The following MCM3AP variants were observed in gnomAD, a reference collection of about 807,000 sequenced individuals.
MCM3AP encodes germinal-center associated nuclear protein.
MCM3AP carries 126 observed loss-of-function variants against 184.1 expected under a neutral mutation model. The ratio of observed to expected loss-of-function variants is 0.68; its 90% CI spans 0.59 to 0.79. MCM3AP has a LOEUF of 0.79. Ranked by LOEUF, MCM3AP falls within the 30% of genes least tolerant of loss-of-function variation. The probability of loss-of-function intolerance (pLI) is 0.00; values close to 1 mark genes in which losing one functional copy is unlikely to be tolerated. For synonymous variants in MCM3AP, 1,002 were observed against 979.3 expected (o/e 1.02, Z -0.43); for missense variants, 2,496 against 2,479.2 (o/e 1.01, Z -0.14).
At chr21:46,270,167 C>T in intron 9 of MCM3AP, 1 of 370,048 alleles carries the variant, frequency 2.7e-6, no homozygotes, top group Non-Finnish European at 4.8e-6. Context: ...AGAGATTTTT[C>T]TTATTTGAAC....
intron 26 of MCM3AP, among the ~76,000 whole-genome samples, chr21:46,239,038 G>A (rs1238209956): frequency 6.6e-6 from 1 of 152,234 alleles, no homozygotes; most frequent in African/African-American, 2.4e-5. Flanking sequence ...GTAGAGATCT[G>A]AAGTGAGTAC....
At chr21:46,279,093 C>G (rs1245887170) in intron 4 of MCM3AP, among the ~76,000 whole-genome samples, 1 of 151,672 alleles carries the variant, frequency 6.6e-6, no homozygotes, top group African/African-American at 2.4e-5. Context: ...CGAGACCAGC[C>G]TGGCCAACAT....
rs1160083139 is a variant in MCM3AP at position 46,237,660 on chromosome 21, G to T, written c.5634-681C>A. ...GATGTGCACACCTCAGCCTCCCAAA[G>T]TGCTGGGATTATAGGCATGAGTCAC... On this transcript the variant is annotated intron_variant, in intron 26 of 27. Transcript: ENST00000291688. Among the ~76,000 whole-genome samples the T allele has an allele frequency of 1.7e-5, 2 of 117,252 alleles. 1 individual carries two copies. The highest frequency in any genetic ancestry group is 3.6e-5 in the Non-Finnish European group (2 of 55,900). 76.9% of individuals were successfully genotyped at this position (117,252 alleles called of 152,430 possible). A position where few individuals can be genotyped will look rare whatever the true frequency, so the allele number is the denominator to read the frequency against.
At chr21:46,239,841 G>T (rs906522394) in intron 26 of MCM3AP, among the ~76,000 whole-genome samples, 1 of 152,100 alleles carries the variant, frequency 6.6e-6, no homozygotes, top group African/African-American at 2.4e-5. Context: ...CAGCAGGGCA[G>T]GAGGGGGACC....
In MCM3AP at chr21:46,259,052, A is replaced by G; in HGVS notation, c.3621T>C (p.Arg1207=). The G allele has an allele frequency of 6.2e-7, 1 of 1,614,044 alleles. No individual in the cohort carries two copies. The highest frequency in any genetic ancestry group is 8.5e-7 in the Non-Finnish European group (1 of 1,179,970). Residue 1207 remains arginine (R), a synonymous_variant, in exon 16 of 28, where the codon CGT becomes CGC. Transcript: ENST00000291688. ...VETDQRVRVA[R]CCEDVCAHLV... is the part of the protein sequence containing the mutation. ...AGTGGGCACAGACATCCTCACAGCA[A>G]CGGGCCACACGGACCCTCTGGTCTG...
At chr21:46,258,373 C>T (rs2080988499) in intron 16 of MCM3AP, among the ~76,000 whole-genome samples, 1 of 152,106 alleles carries the variant, frequency 6.6e-6, no homozygotes. Flanking sequence ...GCACTTACAC[C>T]CAGTTGAGAA....
At chr21:46,257,058 A>G in intron 16 of MCM3AP, 72 bp from the exon 17 acceptor site, 1 of 1,530,072 alleles carries the variant, frequency 6.5e-7, no homozygotes. Context: ...TTGCAGTCAG[A>G]ACTCAGGCAT....
chr21:46,257,812 C>G (rs1042674300), intron 16 of MCM3AP, among the ~76,000 whole-genome samples: 2 of 151,638 alleles, frequency 1.3e-5, no homozygotes, highest in Admixed American at 1.3e-4. Context: ...GTAGTCCCAG[C>G]TACTCAGGAG....
At chr21:46,248,682 A>G (rs959037660) in intron 20 of MCM3AP, among the ~76,000 whole-genome samples, 5 of 152,114 alleles carry the variant, frequency 3.3e-5, no homozygotes, top group African/African-American at 4.8e-5. Context: ...CAAAAACCCT[A>G]ATTTCCTTGG....
intron 3 of MCM3AP, 140 bp from the exon 4 acceptor site, chr21:46,280,277 G>A: frequency 9.7e-7 from 1 of 1,028,282 alleles, no homozygotes. Context: ...ATAACTGTGA[G>A]ATGCAAATCC....
At chr21:46,244,506 G>A in intron 23 of MCM3AP, 1 of 428,912 alleles carries the variant, frequency 2.3e-6, no homozygotes, top group South Asian at 3.4e-5. Flanking sequence ...GACAGGATCA[G>A]GGTTGGTGTT....
At chr21:46,246,223 G>A (rs1438611008) in intron 22 of MCM3AP, 84 bp downstream of exon 22, 8 of 823,028 alleles carry the variant, frequency 9.7e-6, no homozygotes, top group Non-Finnish European at 1.7e-5. Flanking sequence ...CAATGCAAAC[G>A]CTAATATACA....
intron 16 of MCM3AP, among the ~76,000 whole-genome samples, chr21:46,258,325 T>C (rs1030516587): frequency 2.6e-5 from 4 of 152,218 alleles, no homozygotes; most frequent in Non-Finnish European, 5.9e-5. Context: ...AACACATATA[T>C]GCCCAGTTAT....
At chr21:46,278,989 G>GAA (rs574954242) in intron 4 of MCM3AP, among the ~76,000 whole-genome samples, 13 of 122,770 alleles carry the variant, frequency 1.1e-4, no homozygotes, top group East Asian at 2.3e-4. Context: ...AGCTCTTCAG[G>GAA]AAAAAAAAAA....
At chr21:46,279,899 C>T in intron 4 of MCM3AP, 94 bp downstream of exon 4, 1 of 1,305,124 alleles carries the variant, frequency 7.7e-7, no homozygotes, top group Non-Finnish European at 1.0e-6. Flanking sequence ...CTCCTCACCA[C>T]TCCCCACAGT....
chr21:46,272,457 C>A, intron 8 of MCM3AP, 104 bp downstream of exon 8: 1 of 1,188,306 alleles, frequency 8.4e-7, no homozygotes. Context: ...TGCTACCAGA[C>A]AGAATGCTGC....
chr21:46,272,544 T>G lies in MCM3AP; in HGVS notation c.2465+17A>C, dbSNP rs774530458. On this transcript the variant is annotated intron_variant, in intron 8 of 27. Transcript: ENST00000291688. ...TTTTCAGCCACCTTAGGACAACTTT[T>G]GGATGTGAAAATTCACCTTAGGATG... is the stretch of plus-strand genomic sequence containing the variant. The G allele has an allele frequency of 3.0e-5, 49 of 1,609,022 alleles. No homozygotes were observed. The highest frequency in any genetic ancestry group is 3.8e-5 in the Non-Finnish European group (45 of 1,177,022).
In MCM3AP at chr21:46,267,515, C is replaced by T. The variant is rs2081128249; in HGVS notation, c.2629-373G>A. 1.6e-5 allele frequency: 3 copies of T among 182,878 alleles called. 1 individual carries two copies. In the South Asian group the frequency reaches 4.1e-4, roughly 25 times the overall value. 11.3% of individuals were successfully genotyped at this position (182,878 alleles called of 1,614,324 possible). A position where few individuals can be genotyped will look rare whatever the true frequency, so the allele number is the denominator to read the frequency against. On this transcript the variant is annotated intron_variant, in intron 9 of 27. Transcript: ENST00000291688. ...GACCCCGGAGACCATGGAATGCCAG[C>T]AGGAAACCAATCCCGTGGAATGACA...
chr21:46,275,461 G>C, intron 5 of MCM3AP, 136 bp from the exon 6 acceptor site: 1 of 778,058 alleles, frequency 1.3e-6, no homozygotes, highest in Middle Eastern at 2.4e-4. Context: ...AAAAACATTT[G>C]TAAAACTCAG....
Sources: allele counts gnomAD v4.1 joint callset (sites outside exome capture counted in the v4.1 genomes callset), GRCh38; gene constraint gnomAD v4.1.1; transcripts MANE v1.5; gene names NCBI Gene and HGNC (gene_info 2026-07-23, HGNC 2026-07-21).